The following IQGAP3 variants were observed in gnomAD, a reference collection of about 807,000 sequenced individuals.
The protein encoded by IQGAP3 is IQ motif containing GTPase activating protein 3.
Under a neutral mutation model 208.2 loss-of-function variants are expected in IQGAP3, and 165 were observed. The ratio of observed to expected loss-of-function variants is 0.79; its 90% CI spans 0.70 to 0.90. IQGAP3 has a LOEUF of 0.90. Ranked by LOEUF, IQGAP3 falls within the 40% of genes least tolerant of loss-of-function variation. IQGAP3 has a pLI of 0.00. For synonymous variants in IQGAP3, 703 were observed against 803.6 expected (o/e 0.87, Z 2.12); for missense variants, 1,811 against 2,043.1 (o/e 0.89, Z 2.19).
At chr1:156,564,034 G>A (rs1178599396) in intron 5 of IQGAP3, among the ~76,000 whole-genome samples, 2 of 152,136 alleles carry the variant, frequency 1.3e-5, no homozygotes, top group East Asian at 3.9e-4. Flanking sequence ...GGTGTTGGGG[G>A]TCTGAGGGGA....
At chr1:156,561,101 C>T (rs150172631) in intron 10 of IQGAP3, 80 bp from the exon 11 acceptor site, 1 of 915,936 alleles carries the variant, frequency 1.1e-6, no homozygotes, top group African/African-American at 1.6e-5. Context: ...GCATGAGCTC[C>T]CAGGTCTACC....
chr1:156,542,659 G>A (rs929656859), intron 22 of IQGAP3, among the ~76,000 whole-genome samples: 1 of 152,196 alleles, frequency 6.6e-6, no homozygotes, highest in Non-Finnish European at 1.5e-5. Flanking sequence ...AAGTTAATTG[G>A]CTGGGTGTGG....
chr1:156,539,513 G>A lies in IQGAP3; in HGVS notation c.2917C>T (p.Leu973=). ...LQTQPIYLAK[L]IFQMPQNKTT... ...TTGTTCTGTGGCATCTGAAAGATCAGCTTGGCCAGGTAGATGGGCTGAGTC... is the reference window on the plus strand; with the variant it reads ...TTGTTCTGTGGCATCTGAAAGATCAACTTGGCCAGGTAGATGGGCTGAGTC... The change falls in exon 25 of 38, where the codon CTG becomes TTG. Residue 973 remains leucine, a synonymous_variant. Coordinates refer to ENST00000361170, the MANE Select transcript of IQGAP3 (RefSeq NM_178229.5). 1 of 1,614,216 alleles carries A rather than the reference G, an allele frequency of 6.2e-7. No homozygotes were observed. The highest frequency in any genetic ancestry group is 8.5e-7 in the Non-Finnish European group (1 of 1,180,032).
intron 13 of IQGAP3, 43 bp from the exon 14 acceptor site, chr1:156,552,138 T>A (rs774516079): frequency 1.2e-6 from 2 of 1,601,052 alleles, no homozygotes; most frequent in Non-Finnish European, 1.7e-6. Context: ...AGCATGTGAA[T>A]CATCAGCCAG....
intron 4 of IQGAP3, among the ~76,000 whole-genome samples, chr1:156,565,520 A>G (rs1488202552): frequency 6.6e-6 from 1 of 152,204 alleles, no homozygotes; most frequent in Non-Finnish European, 1.5e-5. Flanking sequence ...ACAGTTCACA[A>G]AGGGAGTTCA....
intron 37 of IQGAP3, 39 bp from the exon 38 acceptor site, chr1:156,526,638 CT>C: frequency 7.1e-7 from 1 of 1,399,668 alleles, no homozygotes; most frequent in Non-Finnish European, 1.0e-6. Context: ...TTAAGGGCTT[CT>C]GAATGTGGTC....
At chr1:156,565,943 G>A (rs773383341) in intron 4 of IQGAP3, 84 bp downstream of exon 4, 18 of 1,009,418 alleles carry the variant, frequency 1.8e-5, no homozygotes, top group Non-Finnish European at 2.7e-5. Context: ...TAGGGCTAAA[G>A]GGTCCAGGGA....
chr1:156,529,955 A>G, intron 34 of IQGAP3, 150 bp downstream of exon 34: 1 of 566,954 alleles, frequency 1.8e-6, no homozygotes, highest in Non-Finnish European at 3.0e-6. Context: ...TCTTTCCTTC[A>G]AAAAGGACCC....
At chr1:156,531,966 G>T (rs182483068) in intron 32 of IQGAP3, among the ~76,000 whole-genome samples, 459 of 152,274 alleles carry the variant, frequency 3.0e-3, no homozygotes, top group African/African-American at 1.0e-2. Flanking sequence ...GCAGGAGCTT[G>T]AGCTGGCACT....
Position 156,561,006 on chromosome 1 carries a change from C to T in IQGAP3, c.1057G>A (p.Glu353Lys). ...TGGACTTCCTCCTTTTCCAGAAGCT[C>T]CACCAGGCCCAGCTCCTAAGAGAGG... ...EQKAQELGLV[E>K]LLEKEEVQAG... Residue 353 changes from glutamate (E) to lysine (K), a missense_variant, in exon 11 of 38, where the codon GAG becomes AAG. Coordinates refer to ENST00000361170, the MANE Select transcript of IQGAP3 (RefSeq NM_178229.5). 1 of 1,613,356 alleles carries T rather than the reference C, an allele frequency of 6.2e-7. No individual in the cohort carries two copies. The highest frequency in any genetic ancestry group is 8.5e-7 in the Non-Finnish European group (1 of 1,179,480).
rs921624012 is a variant in IQGAP3, at chr1:156,539,847, G to A, written c.2883C>T (p.Tyr961=). The change falls in exon 24 of 38, where the codon TAC becomes TAT. Residue 961 remains tyrosine (Y), a synonymous_variant. Transcript: ENST00000361170. ...AAAGTCCTCTGCTAACCTGGAGCAG[G>A]TAGAAGAGGTGTTGGTATGCTTCTA... ...QKLEAYQHLF[Y]LLQTQPIYLA... 6.2e-7 allele frequency: 1 copy of A among 1,614,196 alleles called. No individual in the cohort carries two copies. The highest frequency in any genetic ancestry group is 8.5e-7 in the Non-Finnish European group (1 of 1,180,020).
chr1:156,538,923 A>G lies in IQGAP3; in HGVS notation c.3167T>C (p.Leu1056Pro), dbSNP rs1332462021. 1 of 1,614,070 alleles carries G rather than the reference A, an allele frequency of 6.2e-7. No individual in the cohort carries two copies. The highest frequency in any genetic ancestry group is 2.2e-5 in the East Asian group (1 of 44,900). The part of the protein sequence containing the change: ...GRGQSALQEI[L>P]GKVIQDVLED... Reference sequence around the variant, plus strand: ...TAGCACATCCTGGATAACCTTGCCCAGAATCTCCTGCAGGGCACTCTGTCC... The same window carrying G: ...TAGCACATCCTGGATAACCTTGCCCGGAATCTCCTGCAGGGCACTCTGTCC... The change falls in exon 26 of 38, where the codon CTG (leucine) becomes CCG (proline). Residue 1056 changes from leucine (L) to proline (P), a missense_variant. By Grantham distance (98) the Leu-to-Pro change is moderately conservative. Coordinates refer to ENST00000361170, the MANE Select transcript of IQGAP3 (RefSeq NM_178229.5).
At chr1:156,562,117 C>T in intron 9 of IQGAP3, 116 bp from the exon 10 acceptor site, 1 of 975,234 alleles carries the variant, frequency 1.0e-6, no homozygotes, top group Non-Finnish European at 1.5e-6. Flanking sequence ...CCCACCCTTT[C>T]CCCCTTGGTT....
chr1:156,538,448 C>G (rs536877326), intron 26 of IQGAP3, among the ~76,000 whole-genome samples: 2 of 152,318 alleles, frequency 1.3e-5, no homozygotes, highest in East Asian at 1.9e-4. Context: ...CTTGAGCCCC[C>G]CAAAGTGCTG....
chr1:156,539,169 C>A, intron 25 of IQGAP3, 136 bp from the exon 26 acceptor site: 1 of 871,980 alleles, frequency 1.1e-6, no homozygotes, highest in South Asian at 1.6e-5. Context: ...ATATCTCTCT[C>A]ATCCTTTGTG....
At chr1:156,550,843 T>C (rs80056732) in intron 15 of IQGAP3, among the ~76,000 whole-genome samples, 5 of 152,216 alleles carry the variant, frequency 3.3e-5, no homozygotes, top group Non-Finnish European at 7.4e-5. Flanking sequence ...GACAAGGTAG[T>C]GGGAAGATTA....
chr1:156,526,474 C>T lies in IQGAP3; in HGVS notation c.*12G>A, dbSNP rs1424794683. 6.4e-7 allele frequency: 1 copy of T among 1,558,870 alleles called. No individual in the cohort carries two copies. The highest frequency in any genetic ancestry group is 2.2e-5 in the East Asian group (1 of 44,638). Reference sequence around the variant, plus strand: ...GAGGTAAGAGGGGCTTGGGTAGCACCCTTTGCCTCTGTCACTTCCGCAAAA... The same window carrying T: ...GAGGTAAGAGGGGCTTGGGTAGCACTCTTTGCCTCTGTCACTTCCGCAAAA... On this transcript the variant is annotated 3_prime_UTR_variant, in exon 38 of 38. Transcript: ENST00000361170.
At chr1:156,536,856 T>C (rs1674711957) in intron 27 of IQGAP3, 1 of 201,322 alleles carries the variant, frequency 5.0e-6, no homozygotes. Context: ...TATTTATTTT[T>C]GATATTGGGA....
At chr1:156,533,247 C>G in intron 31 of IQGAP3, 141 bp from the exon 32 acceptor site, 3 of 1,088,478 alleles carry the variant, frequency 2.8e-6, no homozygotes, top group Non-Finnish European at 4.0e-6. Flanking sequence ...TTTTCCCACA[C>G]TGGCCTGCAG....
Sources: gnomAD v4.1 joint callset for allele counts (sites outside exome capture counted in the v4.1 genomes callset) on GRCh38, gnomAD v4.1.1 for gene constraint, MANE v1.5 for transcripts, NCBI Gene and HGNC (gene_info 2026-07-23, HGNC 2026-07-21) for gene names.